The following IMPG2 variants were observed in gnomAD, a reference collection of about 807,000 sequenced individuals.
The protein encoded by IMPG2 is IPM 200.
IMPG2 carries 91 observed loss-of-function variants against 129.2 expected under a neutral mutation model. The ratio of observed to expected loss-of-function variants is 0.70; its 90% confidence interval spans 0.59 to 0.84. The LOEUF (loss-of-function observed/expected upper bound fraction) is 0.84. IMPG2 is among the 40% of genes least tolerant of loss of function. The pLI is 0.00. For missense variants in IMPG2, 1,430 were observed against 1,461.7 expected, an observed-to-expected ratio of 0.98 and a Z score of 0.35; for synonymous variants, 510 against 517.7, an observed-to-expected ratio of 0.99 and a Z score of 0.20.
intron 5 of IMPG2, among the ~76,000 whole-genome samples, chr3:101,276,424 T>C (rs953143021): frequency 6.6e-6 from 1 of 152,210 alleles, no homozygotes; most frequent in Non-Finnish European, 1.5e-5. Context: ...ACATTTGTTT[T>C]AAGTGGTGTT....
At chr3:101,243,286 T>C (rs1458770630) in intron 13 of IMPG2, among the ~76,000 whole-genome samples, 1 of 152,222 alleles carries the variant, frequency 6.6e-6, no homozygotes. Context: ...CCATAATTCA[T>C]GGAAAACAAT....
chr3:101,320,213 A>G, intron 1 of IMPG2, 75 bp downstream of exon 1: 1 of 874,518 alleles, frequency 1.1e-6, no homozygotes, highest in Non-Finnish European at 1.9e-6. Flanking sequence ...CAGCAATCAC[A>G]TCAAATAATC....
At chr3:101,239,450 A>T (rs1341891967) in intron 14 of IMPG2, among the ~76,000 whole-genome samples, 1 of 152,348 alleles carries the variant, frequency 6.6e-6, no homozygotes, top group Non-Finnish European at 1.5e-5. Flanking sequence ...GCTGGAGAGG[A>T]TGTGGAGAAA....
At chr3:101,251,269 A>C (rs1312275539) in intron 11 of IMPG2, among the ~76,000 whole-genome samples, 2 of 152,210 alleles carry the variant, frequency 1.3e-5, no homozygotes, top group Admixed American at 1.3e-4. Context: ...ACTTCATAAA[A>C]ATTAAAAGTA....
chr3:101,306,254 T>C (rs1707188211), intron 2 of IMPG2, among the ~76,000 whole-genome samples: 1 of 152,230 alleles, frequency 6.6e-6, no homozygotes, highest in Non-Finnish European at 1.5e-5. Context: ...TCAATTCTAA[T>C]TGTCCAATAG....
chr3:101,320,262 A>G (rs1451828189), intron 1 of IMPG2, 26 bp downstream of exon 1: 1 of 1,306,174 alleles, frequency 7.7e-7, no homozygotes, highest in African/African-American at 1.5e-5. Flanking sequence ...ATGGAAAGAT[A>G]AAAACAAATG....
chr3:101,248,803 G>A (rs1177596740), intron 11 of IMPG2, among the ~76,000 whole-genome samples: 1 of 152,004 alleles, frequency 6.6e-6, no homozygotes, highest in Non-Finnish European at 1.5e-5. Flanking sequence ...GTTTTCATTG[G>A]TTCCTATTTT....
chr3:101,319,802 T>C lies in IMPG2; in HGVS notation c.116A>G (p.Gln39Arg), dbSNP rs1197709539. 2 of 1,613,006 alleles carry C rather than the reference T, an allele frequency of 1.2e-6. No individual in the cohort carries two copies. The highest frequency in any genetic ancestry group is 1.1e-5 in the South Asian group (1 of 91,080). The change falls in exon 2 of 19, where the codon CAA (glutamine) becomes CGA (arginine). Residue 39 changes from glutamine (Q) to arginine (R), a missense_variant. By Grantham distance (43) the Gln-to-Arg change is conservative. Transcript: ENST00000193391. ...AQTYLSIEEI[Q>R]EPKSAVSFLL... ...AAAAGAAACTGCACTCTTGGGTTCT[T>C]GGATCTCCTCTATAGATAAGTAGGT...
chr3:101,276,591 G>A (rs1253988621), intron 5 of IMPG2, 73 bp downstream of exon 5: 1 of 998,114 alleles, frequency 1.0e-6, no homozygotes, highest in Non-Finnish European at 1.6e-6. Flanking sequence ...TGCAAAAAAT[G>A]TACTTGTTTG....
At chr3:101,280,783 T>TA (rs1165325329) in intron 4 of IMPG2, among the ~76,000 whole-genome samples, 1 of 151,706 alleles carries the variant, frequency 6.6e-6, no homozygotes, top group African/African-American at 2.4e-5. Flanking sequence ...CCATCTCTAC[T>TA]AAAAAACATA....
intron 2 of IMPG2, among the ~76,000 whole-genome samples, chr3:101,309,160 A>G (rs544766577): frequency 6.6e-5 from 10 of 152,288 alleles, no homozygotes; most frequent in African/African-American, 2.2e-4. Context: ...GGAAGTTCTG[A>G]ACTTTCCCAC....
At chr3:101,305,689 CACAT>C (rs1707182493) in intron 2 of IMPG2, among the ~76,000 whole-genome samples, 1 of 152,004 alleles carries the variant, frequency 6.6e-6, no homozygotes, top group African/African-American at 2.4e-5. Flanking sequence ...TATATATACA[CACAT>C]ACATACATAC....
At chr3:101,270,900 A>T (rs1044292330) in intron 7 of IMPG2, among the ~76,000 whole-genome samples, 1 of 152,182 alleles carries the variant, frequency 6.6e-6, no homozygotes, top group Non-Finnish European at 1.5e-5. Context: ...ATGGGTCATG[A>T]TGGGGCCAAC....
In IMPG2 at chr3:101,222,820, A is replaced by G. The variant is rs926807131; in HGVS notation, c.*4149T>C. ...GTATGTACACTATTGCTTAAGTATC[A>G]TCACATAGTCCTGATATATGAAAAA... On this transcript the variant is annotated 3_prime_UTR_variant, in exon 19 of 19. Transcript: ENST00000193391. The G allele has an allele frequency of 1.3e-5, 2 of 152,250 alleles. No homozygotes were observed. Among genetic ancestry groups the G allele is most frequent in the African/African-American group, 4.8e-5 (2 of 41,466 alleles). The allele number at this position is 152,250 out of a possible 1,614,324, so 9.4% of individuals were successfully genotyped here. A position where few individuals can be genotyped will look rare whatever the true frequency, so the allele number is the denominator to read the frequency against.
intron 3 of IMPG2, among the ~76,000 whole-genome samples, chr3:101,294,885 T>C (rs186083097): frequency 4.7e-4 from 71 of 152,366 alleles, no homozygotes; most frequent in African/African-American, 1.7e-3. Flanking sequence ...GCTGCATAAA[T>C]GTCTTCTTTT....
At chr3:101,234,834 T>C (rs1236670387) in intron 14 of IMPG2, among the ~76,000 whole-genome samples, 4 of 152,186 alleles carry the variant, frequency 2.6e-5, no homozygotes, top group Admixed American at 2.6e-4. Context: ...ATCTTGTCTC[T>C]AGCCAATCTT....
At chr3:101,270,108 T>C (rs1395654576) in intron 7 of IMPG2, among the ~76,000 whole-genome samples, 4 of 151,926 alleles carry the variant, frequency 2.6e-5, no homozygotes, top group Non-Finnish European at 5.9e-5. Context: ...CGGCTAATTT[T>C]GTATTTTTAC....
chr3:101,295,274 G>T lies in IMPG2; in HGVS notation c.502-3764C>A, dbSNP rs1576766909. Reference sequence around the variant, plus strand: ...TTTTTGTATAAGGTGTAAGGAAGGGGTCCAATTTCAGTTTTCTGCATATGG... The same window carrying T: ...TTTTTGTATAAGGTGTAAGGAAGGGTTCCAATTTCAGTTTTCTGCATATGG... On this transcript the variant is annotated intron_variant, in intron 3 of 18. Coordinates refer to ENST00000193391, the MANE Select transcript of IMPG2 (RefSeq NM_016247.4). Among the ~76,000 whole-genome samples the T allele has an allele frequency of 2.6e-5, 4 of 152,250 alleles. 1 individual carries two copies. In the South Asian group the frequency reaches 8.3e-4, roughly 32 times the overall value.
In IMPG2 at chr3:101,304,207, C is replaced by T. The variant is rs1484819527; in HGVS notation, c.440G>A (p.Ser147Asn). Residue 147 changes from serine to asparagine, a missense_variant, in exon 3 of 19, where the codon AGT becomes AAT. By Grantham distance (46) the Ser-to-Asn change is conservative. Transcript: ENST00000193391. ...AAAATTTGTGCCCATTTCAAATATACTTGTGACTCCATCCTCACACAAATT... is the reference window on the plus strand; with the variant it reads ...AAAATTTGTGCCCATTTCAAATATATTTGTGACTCCATCCTCACACAAATT... ...WMNLCEDGVTSIFEMGTNFSE... is the reference protein window; with the variant it reads ...WMNLCEDGVTNIFEMGTNFSE... 1.9e-6 allele frequency: 3 copies of T among 1,613,876 alleles called. No individual in the cohort carries two copies. Among genetic ancestry groups the T allele is most frequent in the African/African-American group, 1.3e-5 (1 of 75,034 alleles).
Sources: allele counts gnomAD v4.1 joint callset (sites outside exome capture counted in the v4.1 genomes callset), GRCh38; gene constraint gnomAD v4.1.1; transcripts MANE v1.5; gene names NCBI Gene and HGNC (gene_info 2026-07-23, HGNC 2026-07-21).